DCUN1D2: variants seen among roughly 807,000 people sequenced by gnomAD.
DCUN1D2 encodes defective in cullin neddylation 1 domain containing 2.
DCUN1D2 carries 29 observed loss-of-function variants against 30.9 expected under a neutral mutation model. The observed-to-expected ratio is 0.94, with a 90% CI of 0.70 to 1.28. DCUN1D2 has a LOEUF of 1.28. DCUN1D2 is among the 50% of genes most tolerant of loss of function. DCUN1D2 has a pLI of 0.00. For missense variants in DCUN1D2, 325 were observed against 316.9 expected (o/e 1.03, Z -0.19); for synonymous variants, 121 against 115.3 (o/e 1.05, Z -0.32).
At chr13:113,458,555 T>C (rs2044265186) in intron 6 of DCUN1D2, among the ~76,000 whole-genome samples, 1 of 152,256 alleles carries the variant, frequency 6.6e-6, no homozygotes, top group South Asian at 2.1e-4. Flanking sequence ...TCTGAGCTCC[T>C]GCACTGCTGC....
At chr13:113,487,619 C>T (rs2044830816) in intron 1 of DCUN1D2, among the ~76,000 whole-genome samples, 2 of 152,250 alleles carry the variant, frequency 1.3e-5, no homozygotes, top group South Asian at 2.1e-4. Context: ...ACACAGTGTA[C>T]GATTTCACTT....
chr13:113,483,033 A>G (rs2044737298), intron 2 of DCUN1D2, among the ~76,000 whole-genome samples: 1 of 152,264 alleles, frequency 6.6e-6, no homozygotes, highest in South Asian at 2.1e-4. Context: ...CACTTGTTTA[A>G]ATGAGAGTCA....
intron 5 of DCUN1D2, 132 bp from the exon 6 acceptor site, chr13:113,459,540 A>G (rs978218900): frequency 1.8e-6 from 1 of 553,562 alleles, no homozygotes; most frequent in African/African-American, 1.9e-5. Flanking sequence ...TAAAATTGTT[A>G]AAAGTAATAG....
At chr13:113,468,003 C>G (rs1377167807) in intron 4 of DCUN1D2, among the ~76,000 whole-genome samples, 5 of 148,402 alleles carry the variant, frequency 3.4e-5, no homozygotes, top group Non-Finnish European at 7.4e-5. Flanking sequence ...AAGATCACAC[C>G]ACTGCACTCC....
At chr13:113,482,701 T>C (rs2044731124) in intron 2 of DCUN1D2, among the ~76,000 whole-genome samples, 1 of 152,124 alleles carries the variant, frequency 6.6e-6, no homozygotes, top group South Asian at 2.1e-4. Context: ...TCCCAGCACT[T>C]TGGGAGGCCG....
chr13:113,463,936 A>C (rs2044360649), intron 4 of DCUN1D2, among the ~76,000 whole-genome samples: 1 of 152,200 alleles, frequency 6.6e-6, no homozygotes, highest in Non-Finnish European at 1.5e-5. Context: ...TGACCTGTTC[A>C]ATTTATACTT....
chr13:113,487,117 C>G (rs1413676822), intron 1 of DCUN1D2, among the ~76,000 whole-genome samples: 1 of 152,158 alleles, frequency 6.6e-6, no homozygotes, highest in African/African-American at 2.4e-5. Flanking sequence ...TAAGGCAGAT[C>G]CCATAGTCTC....
At chr13:113,481,753 T>G (rs553792595) in intron 2 of DCUN1D2, among the ~76,000 whole-genome samples, 14 of 151,744 alleles carry the variant, frequency 9.2e-5, no homozygotes, top group African/African-American at 1.9e-4. Context: ...GCGGGGTGGC[T>G]CACGCCTATA....
At chr13:113,481,534 C>T (rs924063596) in intron 2 of DCUN1D2, among the ~76,000 whole-genome samples, 1 of 152,202 alleles carries the variant, frequency 6.6e-6, no homozygotes, top group Non-Finnish European at 1.5e-5. Context: ...CCCCTTCACA[C>T]AAAATTTAAC....
rs1314121625 is a variant in DCUN1D2, at chr13:113,488,057, G to A, written c.3+2610C>T. Reference sequence around the variant, plus strand: ...CCCCTTGAAGCCTCCCCTAATGTGTGACAACACCATAACACCAGCAGCCTA... The same window carrying A: ...CCCCTTGAAGCCTCCCCTAATGTGTAACAACACCATAACACCAGCAGCCTA... On this transcript the variant is annotated intron_variant, in intron 1 of 6. Transcript: ENST00000478244. The surrounding 1 kb of genome is among the most constrained non-coding windows in gnomAD (Gnocchi z 4.3). Among the ~76,000 whole-genome samples, 2 of 152,174 alleles carry A rather than the reference G, an allele frequency of 1.3e-5. No homozygotes were observed. The highest frequency in any genetic ancestry group is 4.8e-5 in the African/African-American group (2 of 41,444).
At position 113,484,002 on chromosome 13, in the gene DCUN1D2, G is replaced by C; in HGVS notation, c.58C>G (p.Gln20Glu). 6.2e-7 allele frequency: 1 copy of C among 1,614,182 alleles called. No individual in the cohort carries two copies. Among genetic ancestry groups the C allele is most frequent in the Non-Finnish European group, 8.5e-7 (1 of 1,180,052 alleles). The change falls in exon 2 of 7, where the codon CAG becomes GAG. Residue 20 changes from glutamine to glutamate, a missense_variant. Coordinates refer to ENST00000478244, the MANE Select transcript of DCUN1D2 (RefSeq NM_001014283.2). ...TAGATAGCAGTTCTCTCGCCAGCCT[G>C]AGTGCACGCCATAAACTGGCGGACC... ...DKVRQFMACTQAGERTAIYCL... is the reference protein window; with the variant it reads ...DKVRQFMACTEAGERTAIYCL...
intron 4 of DCUN1D2, among the ~76,000 whole-genome samples, chr13:113,462,368 A>G (rs988298857): frequency 2.6e-5 from 4 of 152,166 alleles, no homozygotes; most frequent in African/African-American, 9.6e-5. Context: ...AAGAAGAGTT[A>G]TATTTATGTA....
chr13:113,482,882 G>A (rs1233075641), intron 2 of DCUN1D2, among the ~76,000 whole-genome samples: 5 of 152,140 alleles, frequency 3.3e-5, no homozygotes, highest in Admixed American at 1.3e-4. Context: ...GGCAGAGGAT[G>A]CAGTGAGCCG....
intron 6 of DCUN1D2, among the ~76,000 whole-genome samples, chr13:113,458,417 C>T (rs1216447648): frequency 2.0e-5 from 3 of 152,170 alleles, no homozygotes; most frequent in Admixed American, 6.5e-5. Context: ...AATGGACCCC[C>T]GCGGAGCAGG....
intron 1 of DCUN1D2, among the ~76,000 whole-genome samples, chr13:113,489,493 T>G (rs141670031): frequency 4.6e-5 from 7 of 152,260 alleles, no homozygotes; most frequent in African/African-American, 1.7e-4. Context: ...TCCTTTAAAC[T>G]CCATCCTCTT....
At position 113,474,031 on chromosome 13, in the gene DCUN1D2, C is replaced by T. The variant is rs199885026; in HGVS notation, c.520+93G>A. ...AAAAAACCAAACCAAAACCCAAAAA[C>T]ATTACAGTTGGCTGCACAAAAATCA... On this transcript the variant is annotated intron_variant, in intron 4 of 6. Coordinates refer to ENST00000478244, the MANE Select transcript of DCUN1D2 (RefSeq NM_001014283.2). 1.1e-4 allele frequency: 166 copies of T among 1,504,834 alleles called. No homozygotes were observed. In the East Asian group the frequency reaches 3.8e-3, roughly 34 times the overall value. 93.2% of individuals were successfully genotyped at this position (1,504,834 alleles called of 1,614,324 possible). A position where few individuals can be genotyped will look rare whatever the true frequency, so the allele number is the denominator to read the frequency against.
intron 6 of DCUN1D2, among the ~76,000 whole-genome samples, chr13:113,458,758 T>C (rs1424957904): frequency 6.6e-6 from 1 of 152,012 alleles, no homozygotes; most frequent in Non-Finnish European, 1.5e-5. Flanking sequence ...CCAGAACAGA[T>C]CACTGCCCGC....
chr13:113,490,437 G>A lies in DCUN1D2; in HGVS notation c.3+230C>T, dbSNP rs765795670. Reference sequence around the variant, plus strand: ...CGGCCCCCGCCCTCCGCTCACTCCCGGTCGTCCCTCGCGGCTCCGGGTCAA... The same window carrying A: ...CGGCCCCCGCCCTCCGCTCACTCCCAGTCGTCCCTCGCGGCTCCGGGTCAA... On this transcript the variant is annotated intron_variant, in intron 1 of 6. Transcript: ENST00000478244. This position sits in a 1 kb window ranked among gnomAD's most constrained non-coding sequence, Gnocchi z 5.2. The A allele has an allele frequency of 5.4e-6, 2 of 367,530 alleles. No homozygotes were observed. The highest frequency in any genetic ancestry group is 9.5e-6 in the Non-Finnish European group (2 of 211,338). 22.8% of individuals were successfully genotyped at this position (367,530 alleles called of 1,614,324 possible).
chr13:113,488,224 T>C lies in DCUN1D2; in HGVS notation c.3+2443A>G, dbSNP rs1244190508. On this transcript the variant is annotated intron_variant, in intron 1 of 6. Transcript: ENST00000478244. The surrounding 1 kb of genome is among the most constrained non-coding windows in gnomAD (Gnocchi z 4.3). The stretch of plus-strand genomic sequence containing the variant: ...AGAGCCCCCTGCAATCTACTCAAAT[T>C]GTCTGATGTCACAAGATACTCCAGT... Among the ~76,000 whole-genome samples, 2 of 152,182 alleles carry C rather than the reference T, an allele frequency of 1.3e-5. No individual in the cohort carries two copies. Among genetic ancestry groups the C allele is most frequent in the Admixed American group, 6.5e-5 (1 of 15,288 alleles).
Sources: gnomAD v4.1 joint callset for allele counts (sites outside exome capture counted in the v4.1 genomes callset) on GRCh38, gnomAD v4.1.1 for gene constraint, Gnocchi (gnomAD v3.1) non-coding constraint, MANE v1.5 for transcripts, NCBI Gene and HGNC (gene_info 2026-07-23, HGNC 2026-07-21) for gene names.